Variants in ZMAT4 observed in about 807,000 individuals in gnomAD.
ZMAT4 encodes zinc finger matrin-type protein 4.
A neutral mutation model predicts 28.7 loss-of-function variants in ZMAT4; 17 were observed. The observed-to-expected ratio is 0.59, with a 90% CI of 0.41 to 0.89. The LOEUF is 0.89. Among genes scored for constraint, ZMAT4 ranks in the 40% least tolerant of loss-of-function variants. The pLI is 0.00. For missense variants in ZMAT4, 240 were observed against 283.8 expected, an observed-to-expected ratio of 0.85 and a Z score of 1.11; for synonymous variants, 117 against 109.2, an observed-to-expected ratio of 1.07 and a Z score of -0.44.
chr8:40,827,129 C>G (rs1816088582), intron 1 of ZMAT4, among the ~76,000 whole-genome samples: 1 of 152,102 alleles, frequency 6.6e-6, no homozygotes, highest in South Asian at 2.1e-4. Flanking sequence ...TTGCATGATT[C>G]CAATTTCCAC....
At chr8:40,728,652 G>C (rs1018498144) in intron 3 of ZMAT4, among the ~76,000 whole-genome samples, 1 of 152,188 alleles carries the variant, frequency 6.6e-6, no homozygotes, top group Non-Finnish European at 1.5e-5. Context: ...TGGAGGATGG[G>C]GAAAGAGAGA....
At chr8:40,622,396 A>G (rs1227505894) in intron 5 of ZMAT4, among the ~76,000 whole-genome samples, 1 of 152,146 alleles carries the variant, frequency 6.6e-6, no homozygotes, top group African/African-American at 2.4e-5. Context: ...AGGGTTTTGT[A>G]TTTCCAAGAA....
intron 6 of ZMAT4, among the ~76,000 whole-genome samples, chr8:40,567,867 A>G (rs1314815994): frequency 6.6e-6 from 1 of 152,186 alleles, no homozygotes; most frequent in Non-Finnish European, 1.5e-5. Context: ...AAAATATAGC[A>G]TTTATCAAAT....
At chr8:40,549,044 G>T (rs938415475) in intron 6 of ZMAT4, among the ~76,000 whole-genome samples, 1 of 152,066 alleles carries the variant, frequency 6.6e-6, no homozygotes, top group African/African-American at 2.4e-5. Flanking sequence ...GGGAGGTGAT[G>T]AGGTCATGAG....
At chr8:40,790,988 T>C (rs949288340) in intron 2 of ZMAT4, among the ~76,000 whole-genome samples, 4 of 152,224 alleles carry the variant, frequency 2.6e-5, no homozygotes, top group Non-Finnish European at 5.9e-5. Flanking sequence ...CACATTTATA[T>C]GGTCAATTGA....
rs751766027 is a variant in ZMAT4 at position 40,801,275 on chromosome 8, T to G, written c.102+24300A>C. ...AGACGTAAATGGGTTCACTAATGAC[T>G]TCTACCAAATATTTTAGGAAAAATT... On this transcript the variant is annotated intron_variant, in intron 2 of 6. Transcript: ENST00000297737. Among the ~76,000 whole-genome samples the G allele has an allele frequency of 6.1e-4, 91 of 150,262 alleles. 1 individual carries two copies. Among genetic ancestry groups the G allele is most frequent in the Non-Finnish European group, 1.8e-4 (12 of 67,694 alleles).
intron 5 of ZMAT4, among the ~76,000 whole-genome samples, chr8:40,628,562 A>G (rs1217535032): frequency 6.6e-6 from 1 of 152,166 alleles, no homozygotes; most frequent in Non-Finnish European, 1.5e-5. Context: ...GAGAATGGCT[A>G]TTATGGAATT....
At chr8:40,841,475 T>C (rs1298792267) in intron 1 of ZMAT4, among the ~76,000 whole-genome samples, 1 of 152,200 alleles carries the variant, frequency 6.6e-6, no homozygotes, top group Non-Finnish European at 1.5e-5. Context: ...ATCTGTCATG[T>C]GCTAAGCATT....
chr8:40,682,765 T>C (rs1809232827), intron 4 of ZMAT4, among the ~76,000 whole-genome samples: 1 of 152,192 alleles, frequency 6.6e-6, no homozygotes, highest in Non-Finnish European at 1.5e-5. Flanking sequence ...TCATATATCG[T>C]CAGTCTTCGT....
At chr8:40,801,365 T>TATATATATATATATATATATAC (rs1554559774) in intron 2 of ZMAT4, among the ~76,000 whole-genome samples, 56 of 144,340 alleles carry the variant, frequency 3.9e-4, no homozygotes, top group African/African-American at 1.3e-3. Flanking sequence ...TATATATATA[T>TATATATATATATATATATATAC]ATATATACAT....
intron 5 of ZMAT4, among the ~76,000 whole-genome samples, chr8:40,667,312 C>T (rs1049738085): frequency 3.9e-5 from 6 of 152,000 alleles, no homozygotes; most frequent in Admixed American, 1.3e-4. Flanking sequence ...CCCGCCACCA[C>T]GCCCGGCTAA....
At chr8:40,538,727 C>T (rs890947618) in intron 6 of ZMAT4, among the ~76,000 whole-genome samples, 10 of 152,060 alleles carry the variant, frequency 6.6e-5, no homozygotes, top group African/African-American at 2.4e-4. Flanking sequence ...CTTTTCCTCT[C>T]GCCCCTTTCT....
At chr8:40,639,629 C>G (rs1275565949) in intron 5 of ZMAT4, among the ~76,000 whole-genome samples, 2 of 39,806 alleles carry the variant, frequency 5.0e-5, no homozygotes, top group Non-Finnish European at 1.7e-4. Context: ...GGCAAGAACA[C>G]ACACACACAC....
At chr8:40,838,182 C>T (rs1187634615) in intron 1 of ZMAT4, among the ~76,000 whole-genome samples, 1 of 152,208 alleles carries the variant, frequency 6.6e-6, no homozygotes, top group African/African-American at 2.4e-5. Flanking sequence ...AAATTCTTCC[C>T]TCAAATCCGT....
intron 2 of ZMAT4, among the ~76,000 whole-genome samples, chr8:40,818,517 G>A (rs1815631838): frequency 6.6e-6 from 1 of 152,172 alleles, no homozygotes; most frequent in Non-Finnish European, 1.5e-5. Flanking sequence ...ACATCATCTG[G>A]GAGAAATTAA....
At chr8:40,796,775 C>T (rs982826938) in intron 2 of ZMAT4, among the ~76,000 whole-genome samples, 2 of 152,176 alleles carry the variant, frequency 1.3e-5, no homozygotes, top group African/African-American at 4.8e-5. Flanking sequence ...GGAATTCTTT[C>T]CCCTTTCAGT....
intron 5 of ZMAT4, among the ~76,000 whole-genome samples, chr8:40,585,218 A>G (rs539755493): frequency 1.3e-5 from 2 of 152,316 alleles, no homozygotes; most frequent in South Asian, 2.1e-4. Flanking sequence ...TTATGAGAAA[A>G]GAACAATGAA....
At chr8:40,741,986 C>T (rs1812022575) in intron 3 of ZMAT4, among the ~76,000 whole-genome samples, 1 of 152,106 alleles carries the variant, frequency 6.6e-6, no homozygotes, top group African/African-American at 2.4e-5. Context: ...CGCCTGTAAT[C>T]CCAATACTTT....
intron 5 of ZMAT4, among the ~76,000 whole-genome samples, chr8:40,651,050 C>T (rs1807620925): frequency 1.3e-5 from 2 of 151,774 alleles, no homozygotes; most frequent in South Asian, 4.2e-4. Context: ...CACTCCTATT[C>T]AACATAGTGT....
Sources: gnomAD v4.1 joint callset for allele counts (sites outside exome capture counted in the v4.1 genomes callset) on GRCh38, gnomAD v4.1.1 for gene constraint, MANE v1.5 for transcripts, NCBI Gene and HGNC (gene_info 2026-07-23, HGNC 2026-07-21) for gene names.